BRF1: variants seen among roughly 807,000 people sequenced by gnomAD.
BRF1 encodes the protein transcription factor IIIB 90 kDa subunit.
A neutral mutation model predicts 81.7 loss-of-function variants in BRF1; 59 were observed. The ratio of observed to expected loss-of-function variants is 0.72; its 90% confidence interval spans 0.59 to 0.90. BRF1 has a LOEUF of 0.90. Ranked by LOEUF, BRF1 falls within the 40% of genes least tolerant of loss-of-function variation. The pLI, the probability that BRF1 is intolerant of heterozygous loss-of-function variation, is 0.00. For missense variants in BRF1, 1,050 were observed against 936.3 expected, an observed-to-expected ratio of 1.12 and a Z score of -1.58; for synonymous variants, 491 against 395.6, an observed-to-expected ratio of 1.24 and a Z score of -2.86.
rs1566803347 is a variant in BRF1 at position 105,219,151 on chromosome 14, C to T, written c.1459G>A (p.Glu487Lys). 4 of 1,612,248 alleles carry T rather than the reference C, an allele frequency of 2.5e-6. No individual in the cohort carries two copies. The Admixed American group carries it at 5.0e-5, about 20-fold the overall frequency. Residue 487 changes from glutamate (E) to lysine (K), a missense_variant and splice_region_variant, in exon 13 of 18, where the codon GAA becomes AAA. Glu to Lys is a moderately conservative substitution (Grantham distance 56). Around this residue, in one of 2 missense-constraint regions of BRF1, gnomAD observed 1,043 missense variants for 915.4 expected, o/e 1.14. Coordinates refer to ENST00000547530, the MANE Select transcript of BRF1 (RefSeq NM_001519.4). ...ENAEYLREQR[E>K]KEARIAKEKE... ...GTGAGTGTGGGCGGGTGGCGCTTACCCCTCTGTTCCCGCAGGTACTCGGCG... is the reference window on the plus strand; with the variant it reads ...GTGAGTGTGGGCGGGTGGCGCTTACTCCTCTGTTCCCGCAGGTACTCGGCG...
rs2141326504 is a variant in BRF1, at chr14:105,209,475, T to C, written c.*1076A>G. ...ATGGGGAGGATGAGGCCCCTGGGGG[T>C]CAGTGAGGCACGGCTCTGCCTCAAG... On this transcript the variant is annotated 3_prime_UTR_variant, in exon 18 of 18. Coordinates refer to ENST00000547530, the MANE Select transcript of BRF1 (RefSeq NM_001519.4). 1 of 698,448 alleles carries C rather than the reference T, an allele frequency of 1.4e-6. No individual in the cohort carries two copies. Among genetic ancestry groups the C allele is most frequent in the Admixed American group, 2.0e-5 (1 of 49,816 alleles). The allele number at this position is 698,448 out of a possible 1,614,324, so 43.3% of individuals were successfully genotyped here. A position where few individuals can be genotyped will look rare whatever the true frequency, so the allele number is the denominator to read the frequency against.
chr14:105,249,701 G>A, intron 5 of BRF1: 2 of 1,613,760 alleles, frequency 1.2e-6, no homozygotes, highest in East Asian at 2.2e-5. Flanking sequence ...TCTGTACGCT[G>A]CTAAGAAGTA....
chr14:105,224,485 C>G (rs1234209573), intron 10 of BRF1, among the ~76,000 whole-genome samples: 1 of 152,216 alleles, frequency 6.6e-6, no homozygotes, highest in Non-Finnish European at 1.5e-5. Context: ...ATGTAGATTA[C>G]TTTTGCCTCT....
At chr14:105,301,040 A>C (rs1332241497), upstream of BRF1, 1 of 151,466 alleles carries the variant, frequency 6.6e-6, no homozygotes, top group Non-Finnish European at 1.5e-5. Context: ...GCAGCCCGGG[A>C]CTGGAGTTTG....
Position 105,300,574 on chromosome 14 carries a change from G to T in BRF1, c.56C>A (p.Ala19Glu). Residue 19 changes from alanine to glutamate, a missense_variant, in exon 1 of 18, where the codon GCG becomes GAG. By Grantham distance (107) the Ala-to-Glu change is moderately radical. This residue lies in a region of BRF1 where 1,043 missense variants were observed against 915.4 expected (regional missense o/e 1.14). Coordinates refer to ENST00000547530, the MANE Select transcript of BRF1 (RefSeq NM_001519.4). The part of the protein sequence containing the change: ...CGGTDIELDA[A>E]RGDAVCTACG... ...GGCGGTGCACACCGCGTCCCCGCGC[G>T]CCGCGTCCAGCTCGATGTCCGTGCC... is the stretch of plus-strand genomic sequence containing the variant. 6.7e-7 allele frequency: 1 copy of T among 1,489,948 alleles called. No individual in the cohort carries two copies. The allele number at this position is 1,489,948 out of a possible 1,614,324, so 92.3% of individuals were successfully genotyped here. A position where few individuals can be genotyped will look rare whatever the true frequency, so the allele number is the denominator to read the frequency against.
At chr14:105,212,544 T>C in intron 15 of BRF1, 2 of 222,808 alleles carry the variant, frequency 9.0e-6, no homozygotes, top group Non-Finnish European at 1.8e-5. Context: ...TCCCCAACCC[T>C]CACCAGGCCC....
chr14:105,304,176 C>A (rs2058111524), upstream of BRF1, among the ~76,000 whole-genome samples: 1 of 152,088 alleles, frequency 6.6e-6, no homozygotes, highest in African/African-American at 2.4e-5. Flanking sequence ...AAGACCACAC[C>A]CACAACGGTA....
rs1488111115 is a variant in BRF1, at chr14:105,315,070, G to C, written c.-162+252C>G. On this transcript the variant is annotated intron_variant, in intron 1 of 17. Coordinates refer to the BRF1 transcript ENST00000327359. The surrounding 1 kb of genome is among the most constrained non-coding windows in gnomAD (Gnocchi z 4.4). Reference sequence around the variant, plus strand: ...CCGCCCGCCGCGCTTTGTTCCCGCCGGGCACCTGCTGGGGGTGTCCTGGCC... The same window carrying C: ...CCGCCCGCCGCGCTTTGTTCCCGCCCGGCACCTGCTGGGGGTGTCCTGGCC... The C allele has an allele frequency of 1.8e-6, 2 of 1,127,496 alleles. No homozygotes were observed. The highest frequency in any genetic ancestry group is 2.2e-6 in the Non-Finnish European group (2 of 913,758). 69.8% of individuals were successfully genotyped at this position (1,127,496 alleles called of 1,614,324 possible). A position where few individuals can be genotyped will look rare whatever the true frequency, so the allele number is the denominator to read the frequency against.
chr14:105,211,905 C>T, intron 16 of BRF1: 2 of 679,562 alleles, frequency 2.9e-6, no homozygotes, highest in Non-Finnish European at 5.0e-6. Flanking sequence ...ACAACGGTCC[C>T]CACTTCCTGC....
chr14:105,314,487 T>C (rs1358483600), intron 1 of BRF1: 1 of 143,098 alleles, frequency 7.0e-6, no homozygotes, highest in Non-Finnish European at 1.5e-5. Flanking sequence ...CCGGGCGGGG[T>C]CTGTGCGCAG....
chr14:105,299,916 GC>G (rs750960471), intron 1 of BRF1, among the ~76,000 whole-genome samples: 1 of 152,214 alleles, frequency 6.6e-6, no homozygotes, highest in Non-Finnish European at 1.5e-5. Flanking sequence ...CCTTTTAGCA[GC>G]TCTATTCACA....
At chr14:105,288,220 C>T (rs1346256548) in intron 1 of BRF1, among the ~76,000 whole-genome samples, 1 of 152,122 alleles carries the variant, frequency 6.6e-6, no homozygotes, top group Non-Finnish European at 1.5e-5. Context: ...TTTGGGAGGC[C>T]GAGGTGGGTG....
rs1181523582 is a variant in BRF1, at chr14:105,300,687, C to A, written c.-58G>T. On this transcript the variant is annotated 5_prime_UTR_variant, in exon 1 of 18. In the 5' UTR this introduces an upstream ATG that the reference lacks. Transcript: ENST00000547530. ...CCCAAGACTCTCAAGCCACCCGAGC[C>A]TCCGGAGCAGCCCGCGCCGCCCGCC... 8.9e-6 allele frequency: 11 copies of A among 1,237,930 alleles called. No individual in the cohort carries two copies. The highest frequency in any genetic ancestry group is 1.1e-5 in the Non-Finnish European group (11 of 988,740). 76.7% of individuals were successfully genotyped at this position (1,237,930 alleles called of 1,614,324 possible). A position where few individuals can be genotyped will look rare whatever the true frequency, so the allele number is the denominator to read the frequency against.
chr14:105,228,845 C>A lies in BRF1; in HGVS notation c.763G>T (p.Val255Leu). The A allele has an allele frequency of 6.2e-7, 1 of 1,613,950 alleles. No individual in the cohort carries two copies. The highest frequency in any genetic ancestry group is 8.5e-7 in the Non-Finnish European group (1 of 1,180,004). ...TVKEVISVVK[V>L]CESTLRKRLT... ...CTCTTCCGCAGCGTGGACTCACACA[C>A]TTTGACCACACTGATGACCTCCTTC... is the stretch of plus-strand genomic sequence containing the variant. Residue 255 changes from valine to leucine, a missense_variant, in exon 7 of 18, where the codon GTG (valine) becomes TTG (leucine). This residue lies in a region of BRF1 where 1,043 missense variants were observed against 915.4 expected (regional missense o/e 1.14). Transcript: ENST00000547530.
At chr14:105,216,073 CAT>C (rs1323727386) in intron 15 of BRF1, among the ~76,000 whole-genome samples, 15 of 151,898 alleles carry the variant, frequency 9.9e-5, no homozygotes, top group South Asian at 2.1e-4. Flanking sequence ...CACACACACA[CAT>C]GCACACAAAT....
chr14:105,220,415 GGA>G (rs1892094532), intron 11 of BRF1, among the ~76,000 whole-genome samples: 1 of 152,184 alleles, frequency 6.6e-6, no homozygotes, highest in African/African-American at 2.4e-5. Flanking sequence ...TTTAAGAACA[GGA>G]GACAGAGGCT....
intron 5 of BRF1, among the ~76,000 whole-genome samples, chr14:105,246,001 T>A (rs2055072071): frequency 6.6e-6 from 1 of 152,206 alleles, no homozygotes; most frequent in South Asian, 2.1e-4. Context: ...TGGAAGAGAC[T>A]ATGTGCAAAC....
Position 105,221,796 on chromosome 14 carries a change from G to A in BRF1, c.1167C>T (p.Ala389=). Residue 389 remains alanine (A), a synonymous_variant, in exon 11 of 18, where the codon GCC becomes GCT. Transcript: ENST00000547530. ...KDLYRELLGG[A]PGSSEAAGSP... ...TTCCTGCTGCTTCCGAGCTGCCGGG[G>A]GCACCACCAAGGAGCTCCCGGTATA... 3 of 1,611,898 alleles carry A rather than the reference G, an allele frequency of 1.9e-6. No individual in the cohort carries two copies. The highest frequency in any genetic ancestry group is 1.3e-5 in the African/African-American group (1 of 75,034).
At chr14:105,294,599 G>C (rs1186026460) in intron 1 of BRF1, among the ~76,000 whole-genome samples, 2 of 152,232 alleles carry the variant, frequency 1.3e-5, no homozygotes, top group Non-Finnish European at 2.9e-5. Context: ...TACCCAGGGA[G>C]TATGAGCATG....
Sources: allele counts gnomAD v4.1 joint callset (sites outside exome capture counted in the v4.1 genomes callset), GRCh38; gene constraint gnomAD v4.1.1; regional missense constraint gnomAD v4.1.1; non-coding constraint Gnocchi (gnomAD v3.1); transcripts MANE v1.5; gene names NCBI Gene and HGNC (gene_info 2026-07-23, HGNC 2026-07-21).